The following SLC25A12 variants were observed in gnomAD, a reference collection of about 807,000 sequenced individuals.
The protein encoded by SLC25A12 is electrogenic aspartate/glutamate antiporter SLC25A12, mitochondrial.
A neutral mutation model predicts 83.3 loss-of-function variants in SLC25A12; 32 were observed. The ratio of observed to expected loss-of-function variants is 0.38; its 90% CI spans 0.29 to 0.52. The LOEUF (loss-of-function observed/expected upper bound fraction) is 0.52. Ranked by LOEUF, SLC25A12 falls within the 20% of genes least tolerant of loss-of-function variation. SLC25A12 has a pLI of 0.84. For missense variants in SLC25A12, 611 were observed against 835.6 expected, an observed-to-expected ratio of 0.73 and a Z score of 3.31; for synonymous variants, 267 against 291.1, an observed-to-expected ratio of 0.92 and a Z score of 0.84.
intron 8 of SLC25A12, among the ~76,000 whole-genome samples, chr2:171,832,369 G>T (rs558321804): frequency 6.6e-6 from 1 of 152,264 alleles, no homozygotes; most frequent in South Asian, 2.1e-4. Flanking sequence ...GGCCACCTTA[G>T]CAGGGACCTT....
chr2:171,790,675 G>A (rs1019529196), intron 15 of SLC25A12, among the ~76,000 whole-genome samples: 1 of 152,082 alleles, frequency 6.6e-6, no homozygotes, highest in Admixed American at 6.5e-5. Flanking sequence ...TAGTACAGAG[G>A]ATAACAATTA....
chr2:171,817,600 C>CAAAAAAAAAAAAAAAAAAAAAA (rs71013076), intron 9 of SLC25A12, among the ~76,000 whole-genome samples: 1 of 64,252 alleles, frequency 1.6e-5, no homozygotes, highest in African/African-American at 6.7e-5. Context: ...GACTCTGCCT[C>CAAAAAAAAAAAAAAAAAAAAAA]AAAAAAAAAA....
chr2:171,809,395 T>C (rs946970317), intron 13 of SLC25A12: 2 of 576,566 alleles, frequency 3.5e-6, no homozygotes, highest in Admixed American at 3.0e-5. Context: ...ATGATCACCA[T>C]TCTAACTGGC....
rs1293744663 is a variant in SLC25A12 at position 171,837,219 on chromosome 2, TTTTGTC to T, written c.508_513del (p.Asp170_Lys171del). The T allele has an allele frequency of 1.9e-6, 3 of 1,614,148 alleles. No homozygotes were observed. Among genetic ancestry groups the T allele is most frequent in the Non-Finnish European group, 2.5e-6 (3 of 1,180,002 alleles). ...AGACCAGAAATCATGCCACTTTTGC[TTTTGTC>T]TTTGAGTGCAAAGGCTTGTCTTGCA... On this transcript the variant is annotated inframe_deletion, in exon 6 of 18. Coordinates refer to ENST00000422440, the MANE Select transcript of SLC25A12 (RefSeq NM_003705.5).
chr2:171,873,772 G>T (rs1685506200), intron 2 of SLC25A12, among the ~76,000 whole-genome samples: 1 of 151,842 alleles, frequency 6.6e-6, no homozygotes, highest in Non-Finnish European at 1.5e-5. Flanking sequence ...ATATATGTGT[G>T]TATATATGAA....
chr2:171,874,525 A>G (rs1452621631), intron 2 of SLC25A12, among the ~76,000 whole-genome samples: 1 of 152,238 alleles, frequency 6.6e-6, no homozygotes, highest in Non-Finnish European at 1.5e-5. Flanking sequence ...ACATGAAAAC[A>G]TTTCAGAGAT....
intron 9 of SLC25A12, among the ~76,000 whole-genome samples, chr2:171,815,612 T>TA (rs1684036433): frequency 1.3e-5 from 2 of 152,200 alleles, no homozygotes; most frequent in African/African-American, 4.8e-5. Flanking sequence ...AAAAGCTTTC[T>TA]AAAGTGTATA....
chr2:171,868,596 G>T, intron 3 of SLC25A12, 85 bp downstream of exon 3: 1 of 1,360,698 alleles, frequency 7.3e-7, no homozygotes, highest in Non-Finnish European at 1.0e-6. Flanking sequence ...TTACAGGCAT[G>T]AGCCACTGTG....
chr2:171,890,379 A>G (rs1685905230), intron 2 of SLC25A12, among the ~76,000 whole-genome samples: 1 of 152,228 alleles, frequency 6.6e-6, no homozygotes, highest in South Asian at 2.1e-4. Context: ...CAAAGCTTCA[A>G]ATAACTATAG....
At chr2:171,797,572 G>A (rs1683625410) in intron 13 of SLC25A12, among the ~76,000 whole-genome samples, 1 of 152,036 alleles carries the variant, frequency 6.6e-6, no homozygotes, top group Admixed American at 6.6e-5. Context: ...AAACAGACCT[G>A]GTCTTAGAAA....
intron 2 of SLC25A12, chr2:171,871,849 G>A (rs184789103): frequency 3.5e-6 from 2 of 571,028 alleles, no homozygotes; most frequent in Non-Finnish European, 2.2e-6. Flanking sequence ...AACCTGGGAG[G>A]CGGAGGTTGC....
At chr2:171,881,278 G>A (rs555204206) in intron 2 of SLC25A12, among the ~76,000 whole-genome samples, 9 of 151,962 alleles carry the variant, frequency 5.9e-5, no homozygotes, top group South Asian at 2.1e-4. Context: ...TCAGCCTCCC[G>A]AGCAGTTGAG....
Position 171,844,658 on chromosome 2 carries a change from G to C in SLC25A12, c.326-150C>G, listed in dbSNP as rs556878989. On this transcript the variant is annotated intron_variant, in intron 4 of 17. Coordinates refer to ENST00000422440, the MANE Select transcript of SLC25A12 (RefSeq NM_003705.5). ...TAACTGCAATTTTTTTGTGTGCCCA[G>C]AAACCATGCGCAGGAACACAACTGA... 6.4e-6 allele frequency: 4 copies of C among 621,494 alleles called. No individual in the cohort carries two copies. In the African/African-American group the frequency reaches 7.4e-5, roughly 11 times the overall value. 38.5% of individuals were successfully genotyped at this position (621,494 alleles called of 1,614,324 possible).
intron 5 of SLC25A12, among the ~76,000 whole-genome samples, chr2:171,837,946 T>C (rs1307487555): frequency 2.0e-5 from 3 of 152,152 alleles, no homozygotes; most frequent in Non-Finnish European, 4.4e-5. Context: ...TTTGAACTAT[T>C]GGGCAACCAA....
intron 8 of SLC25A12, among the ~76,000 whole-genome samples, chr2:171,832,554 A>G (rs1684464228): frequency 6.6e-6 from 1 of 152,184 alleles, no homozygotes; most frequent in Non-Finnish European, 1.5e-5. Flanking sequence ...AAATCAACAT[A>G]GCTCCCAATA....
Position 171,813,452 on chromosome 2 carries a change from C to T in SLC25A12, c.1058G>A (p.Arg353Gln), listed in dbSNP as rs886037851. 2 of 1,614,010 alleles carry T rather than the reference C, an allele frequency of 1.2e-6. No individual in the cohort carries two copies. The highest frequency in any genetic ancestry group is 2.2e-5 in the East Asian group (1 of 44,880). The change falls in exon 11 of 18, where the codon CGA (arginine) becomes CAA (glutamine). Residue 353 changes from arginine (R) to glutamine (Q), a missense_variant. This residue lies in a region of SLC25A12 where 540 missense variants were observed against 777.5 expected (regional missense o/e 0.69). Coordinates refer to ENST00000422440, the MANE Select transcript of SLC25A12 (RefSeq NM_003705.5). Reference protein sequence around the residue: ...AVYPIDLVKTRMQNQRGSGSV... With the variant: ...AVYPIDLVKTQMQNQRGSGSV... ...GCCAGAGCCACGCTGGTTTTGCATT[C>T]GGGTCTTCACCAGATCTATAGGATA...
intron 3 of SLC25A12, among the ~76,000 whole-genome samples, chr2:171,866,877 G>A (rs1404247896): frequency 5.3e-5 from 8 of 151,108 alleles, no homozygotes; most frequent in South Asian, 2.1e-4. Context: ...CTTCCCAGAC[G>A]GGGCGGCTGC....
In SLC25A12 at chr2:171,834,024, G is replaced by C. The variant is rs1268420412; in HGVS notation, c.784C>G (p.Gln262Glu). ...EFAQSAIRYGQVTPLEIDILY... is the reference protein window; with the variant it reads ...EFAQSAIRYGEVTPLEIDILY... ...ATATCAATTTCTAGTGGTGTGACTT[G>C]TCCATAGCGTATGGCACTCTGGGCA... is the stretch of plus-strand genomic sequence containing the variant. Residue 262 changes from glutamine (Q) to glutamate (E), a missense_variant, in exon 8 of 18, where the codon CAA (glutamine) becomes GAA (glutamate). By Grantham distance (29) the Gln-to-Glu change is conservative. Coordinates refer to ENST00000422440, the MANE Select transcript of SLC25A12 (RefSeq NM_003705.5). 1.9e-6 allele frequency: 3 copies of C among 1,609,874 alleles called. No individual in the cohort carries two copies. The African/African-American group carries it at 4.0e-5, about 22-fold the overall frequency.
chr2:171,841,765 G>C (rs138982827), intron 5 of SLC25A12, among the ~76,000 whole-genome samples: 494 of 152,290 alleles, frequency 3.2e-3, no homozygotes, highest in Admixed American at 5.3e-3. Flanking sequence ...ACCAAAAATA[G>C]GTAAACCGCA....
Sources: gnomAD v4.1 joint callset for allele counts (sites outside exome capture counted in the v4.1 genomes callset) on GRCh38, gnomAD v4.1.1 for gene constraint, gnomAD v4.1.1 regional missense constraint, MANE v1.5 for transcripts, NCBI Gene and HGNC (gene_info 2026-07-23, HGNC 2026-07-21) for gene names.